Variants in MFSD12 observed in about 807,000 individuals in gnomAD.
MFSD12 encodes the protein major facilitator superfamily domain-containing protein 12.
In MFSD12, 67 loss-of-function variants were observed where a neutral mutation model predicts 51.2. The ratio of observed to expected loss-of-function variants is 1.31; its 90% CI spans 1.08 to 1.60. The LOEUF (loss-of-function observed/expected upper bound fraction) is 1.60. MFSD12 is among the 40% of genes most tolerant of loss of function. MFSD12 has a pLI of 0.00. For synonymous variants in MFSD12, 441 were observed against 316.7 expected (o/e 1.39, Z -4.17); for missense variants, 921 against 673.0 (o/e 1.37, Z -4.08).
intron 6 of MFSD12, among the ~76,000 whole-genome samples, chr19:3,546,763 T>C (rs1214980137): frequency 6.6e-6 from 1 of 152,066 alleles, no homozygotes; most frequent in Non-Finnish European, 1.5e-5. Context: ...GCGCCAGAGC[T>C]CCATGGCTGC....
exon 5 of MFSD12, chr19:3,538,617 G>C (rs1239722869): frequency 2.2e-6 from 1 of 446,108 alleles, no homozygotes; most frequent in Admixed American, 2.4e-5. Flanking sequence ...TCAGAGCTTC[G>C]CACCTCCTTG....
chr19:3,542,049 A>T, downstream of MFSD12: 3 of 760,714 alleles, frequency 3.9e-6, no homozygotes, highest in South Asian at 1.8e-4. Flanking sequence ...ACCTCAGGTG[A>T]TCTACCCACC....
rs1355772441 is a variant in MFSD12 at position 3,548,267 on chromosome 19, C to T, written c.510G>A (p.Arg170=). ...DHEKVELTAL[R]YAFTVVANIT... ...TGTTGGCCACCACGGTGAACGCATA[C>T]CTGGCGGGCAGGCGGGCAGGGACTC... The change falls in exon 3 of 10, where the codon AGG becomes AGA. Residue 170 remains arginine, a splice_region_variant and synonymous_variant. Coordinates refer to ENST00000355415, the MANE Select transcript of MFSD12 (RefSeq NM_174983.5). The T allele has an allele frequency of 1.3e-5, 20 of 1,548,198 alleles. No homozygotes were observed. Among genetic ancestry groups the T allele is most frequent in the Admixed American group, 2.0e-5 (1 of 51,004 alleles).
At chr19:3,538,776 G>A (rs781544462) in intron 4 of MFSD12, 11 of 522,212 alleles carry the variant, frequency 2.1e-5, no homozygotes, top group African/African-American at 5.7e-5. Flanking sequence ...TTTTACAAAC[G>A]GACTGGATGT....
chr19:3,550,984 C>T lies in MFSD12; in HGVS notation c.509G>A (p.Arg170Lys), dbSNP rs1235440281. 6.2e-7 allele frequency: 1 copy of T among 1,610,600 alleles called. No individual in the cohort carries two copies. Among genetic ancestry groups the T allele is most frequent in the Non-Finnish European group, 8.5e-7 (1 of 1,179,478 alleles). ...TGGGGGAGGGTGCCCAGGCTCCCAC[C>T]TGAGTGCCGTGAGCTCCACCTTCTC... is the stretch of plus-strand genomic sequence containing the variant. ...DHEKVELTAL[R>K]YAFTVVANIT... Residue 170 changes from arginine to lysine, a missense_variant and splice_region_variant, in exon 2 of 10, where the codon AGG (arginine) becomes AAG (lysine). Coordinates refer to ENST00000355415, the MANE Select transcript of MFSD12 (RefSeq NM_174983.5).
intron 1 of MFSD12, among the ~76,000 whole-genome samples, chr19:3,555,123 T>TG (rs1184716240): frequency 6.6e-6 from 1 of 152,168 alleles, no homozygotes; most frequent in East Asian, 1.9e-4. Context: ...TTGTTGTTGT[T>TG]TTTTGTTTTT....
chr19:3,546,668 G>A (rs1394395090), intron 6 of MFSD12, among the ~76,000 whole-genome samples: 1 of 152,278 alleles, frequency 6.6e-6, no homozygotes, highest in Non-Finnish European at 1.5e-5. Context: ...GCGCAGGTCA[G>A]TTACAACGAA....
Position 3,544,511 on chromosome 19 carries a change from A to G in MFSD12, c.*199T>C. On this transcript the variant is annotated 3_prime_UTR_variant, in exon 10 of 10. Coordinates refer to ENST00000355415, the MANE Select transcript of MFSD12 (RefSeq NM_174983.5). ...TAGAGTTGAGAATGGGACACCCTCA[A>G]AACCCAGGGGGTCCTTGCAAGTCCC... The G allele has an allele frequency of 1.4e-6, 2 of 1,401,066 alleles. No individual in the cohort carries two copies. Among genetic ancestry groups the G allele is most frequent in the Non-Finnish European group, 1.9e-6 (2 of 1,080,182 alleles). 86.8% of individuals were successfully genotyped at this position (1,401,066 alleles called of 1,614,324 possible).
intron 6 of MFSD12, among the ~76,000 whole-genome samples, chr19:3,546,629 G>A (rs937870913): frequency 7.9e-5 from 12 of 152,266 alleles, no homozygotes; most frequent in East Asian, 1.9e-4. Flanking sequence ...ACGCCGTAGC[G>A]GCTGGAGACG....
At chr19:3,556,202 G>A (rs539508796) in intron 1 of MFSD12, among the ~76,000 whole-genome samples, 1 of 152,346 alleles carries the variant, frequency 6.6e-6, no homozygotes, top group African/African-American at 2.4e-5. Flanking sequence ...GAGAGAGGAG[G>A]CTCTAGGGGG....
rs1282927032 is a variant in MFSD12, at chr19:3,551,836, TC to T, written c.299-643del. On this transcript the variant is annotated intron_variant, in intron 1 of 9. Coordinates refer to ENST00000355415, the MANE Select transcript of MFSD12 (RefSeq NM_174983.5). This position sits in a 1 kb window ranked among gnomAD's most constrained non-coding sequence, Gnocchi z 4.6. Reference sequence around the variant, plus strand: ...GTGCCCTGCCCTGCCCTTCCCTCTCTCCCCCTTCTCTCTCTGCTCCAGCCAT... The same window carrying T: ...GTGCCCTGCCCTGCCCTTCCCTCTCTCCCCTTCTCTCTCTGCTCCAGCCAT... 1.3e-5 allele frequency among the ~76,000 whole-genome samples: 2 copies of T among 151,906 alleles called. No individual in the cohort carries two copies. Among genetic ancestry groups the T allele is most frequent in the Non-Finnish European group, 2.9e-5 (2 of 67,962 alleles).
At chr19:3,547,149 C>G in intron 6 of MFSD12, 123 bp downstream of exon 6, 1 of 862,472 alleles carries the variant, frequency 1.2e-6, no homozygotes, top group Admixed American at 1.9e-5. Context: ...AGATCTGGGG[C>G]TTCTACAAGG....
chr19:3,551,309 G>A lies in MFSD12; in HGVS notation c.299-115C>T, dbSNP rs572199359. The A allele has an allele frequency of 4.0e-4, 322 of 795,878 alleles. 1 individual carries two copies. The African/African-American group carries it at 4.7e-3, about 12-fold the overall frequency. 49.3% of individuals were successfully genotyped at this position (795,878 alleles called of 1,614,324 possible). A position where few individuals can be genotyped will look rare whatever the true frequency, so the allele number is the denominator to read the frequency against. On this transcript the variant is annotated intron_variant, in intron 1 of 9. Coordinates refer to ENST00000355415, the MANE Select transcript of MFSD12 (RefSeq NM_174983.5). This position sits in a 1 kb window ranked among gnomAD's most constrained non-coding sequence, Gnocchi z 4.6. The stretch of plus-strand genomic sequence containing the variant: ...TGAGGCACAGATGGAGACGCCCCCC[G>A]CATGCACACAGTCACGCAGGAGCGA...
At chr19:3,554,656 C>A (rs1044382939) in intron 1 of MFSD12, among the ~76,000 whole-genome samples, 12 of 152,200 alleles carry the variant, frequency 7.9e-5, no homozygotes, top group Non-Finnish European at 1.5e-4. Flanking sequence ...TCCGTCAAAA[C>A]CTCAAAGTTA....
chr19:3,543,052 C>G (rs2030561158), downstream of MFSD12: 3 of 1,602,566 alleles, frequency 1.9e-6, no homozygotes, highest in African/African-American at 4.0e-5. Flanking sequence ...GTCAGCCTCT[C>G]TCCTCAAGCA....
chr19:3,555,005 C>T (rs193052958), intron 1 of MFSD12, among the ~76,000 whole-genome samples: 8 of 152,380 alleles, frequency 5.3e-5, no homozygotes, highest in South Asian at 2.1e-4. Flanking sequence ...AGAGGGGTGA[C>T]GGTGGACGCC....
chr19:3,538,856 T>C (rs1320646266), intron 4 of MFSD12: 2 of 577,876 alleles, frequency 3.5e-6, no homozygotes, highest in Non-Finnish European at 6.8e-6. Context: ...CCTCCTGCGA[T>C]CGAAGGGGCA....
chr19:3,553,572 T>A (rs2031583062), intron 1 of MFSD12, among the ~76,000 whole-genome samples: 1 of 148,548 alleles, frequency 6.7e-6, no homozygotes, highest in African/African-American at 2.5e-5. Flanking sequence ...ATCGAGACCA[T>A]CCTGGCTAAC....
Position 3,544,952 on chromosome 19 carries a change from G to C in MFSD12, c.1290-13C>G. ...GCAGAGCTCTGAGCTGTGGGAGGAG[G>C]CGGGGGATGAGTAGGCACCGCGGGT... On this transcript the variant is annotated splice_polypyrimidine_tract_variant and intron_variant, in intron 8 of 9. Coordinates refer to ENST00000355415, the MANE Select transcript of MFSD12 (RefSeq NM_174983.5). 1 of 1,599,772 alleles carries C rather than the reference G, an allele frequency of 6.3e-7. No individual in the cohort carries two copies. The highest frequency in any genetic ancestry group is 8.5e-7 in the Non-Finnish European group (1 of 1,175,122).
Sources: allele counts gnomAD v4.1 joint callset (sites outside exome capture counted in the v4.1 genomes callset), GRCh38; gene constraint gnomAD v4.1.1; non-coding constraint Gnocchi (gnomAD v3.1); transcripts MANE v1.5; gene names NCBI Gene and HGNC (gene_info 2026-07-23, HGNC 2026-07-21).